PDCD6: variants seen among roughly 807,000 people sequenced by gnomAD.
PDCD6 encodes the protein programmed cell death protein 6.
Under a neutral mutation model 28.3 loss-of-function variants are expected in PDCD6, and 12 were observed. The observed-to-expected ratio is 0.42, with a 90% CI of 0.27 to 0.69. The LOEUF (loss-of-function observed/expected upper bound fraction) is 0.69, where lower values mean the gene tolerates loss of function less well. PDCD6 is among the 30% of genes least tolerant of loss of function. PDCD6 has a pLI of 0.22. For missense variants in PDCD6, 226 were observed against 269.9 expected (o/e 0.84, Z 1.14); for synonymous variants, 92 against 108.0 (o/e 0.85, Z 0.92).
intron 2 of PDCD6, among the ~76,000 whole-genome samples, chr5:286,591 G>A (rs538079888): frequency 7.8e-4 from 118 of 151,986 alleles, no homozygotes; most frequent in Middle Eastern, 6.8e-3. Flanking sequence ...TTAGAGGACC[G>A]TGCCACTGGA....
At chr5:301,973 C>CTGTG (rs1740086603) in intron 2 of PDCD6, among the ~76,000 whole-genome samples, 1 of 148,484 alleles carries the variant, frequency 6.7e-6, no homozygotes, top group Admixed American at 6.7e-5. Context: ...TCGAGTGCTG[C>CTGTG]TGTGTGTGTA....
chr5:301,520 T>C (rs1230841434), intron 2 of PDCD6, among the ~76,000 whole-genome samples: 4 of 152,348 alleles, frequency 2.6e-5, no homozygotes, highest in South Asian at 4.1e-4. Flanking sequence ...TTTCAGATAC[T>C]TGTAAAGCCT....
intron 2 of PDCD6, among the ~76,000 whole-genome samples, chr5:295,208 TTAAAA>T (rs200770674): frequency 0.016 from 2,236 of 137,156 alleles, 25 homozygotes; most frequent in Non-Finnish European, 0.021. Context: ...AAAAAAACTC[TTAAAA>T]TAAAAAAACC....
Position 271,786 on chromosome 5 carries a change from G to C in PDCD6, c.66G>C (p.Leu22=). The part of the protein sequence containing the change: ...AGPGPAAGAA[L]PDQSFLWNVF... ...CTGGGCCTGCTGCAGGCGCGGCGCT[G>C]CCGGACCAGAGCTTCCTGTGGAACG... The change falls in exon 1 of 6, where the codon CTG becomes CTC. Residue 22 remains leucine, a synonymous_variant. Transcript: ENST00000264933. 6.1e-6 allele frequency: 9 copies of C among 1,479,790 alleles called. No homozygotes were observed. The highest frequency in any genetic ancestry group is 7.1e-6 in the Non-Finnish European group (8 of 1,121,098). 91.7% of individuals were successfully genotyped at this position (1,479,790 alleles called of 1,614,324 possible).
At chr5:282,324 T>C (rs1051069847) in intron 2 of PDCD6, among the ~76,000 whole-genome samples, 34 of 149,420 alleles carry the variant, frequency 2.3e-4, no homozygotes, top group African/African-American at 7.4e-4. Flanking sequence ...AGCTGGAGAC[T>C]CGGGGAGGAG....
intron 2 of PDCD6, among the ~76,000 whole-genome samples, chr5:300,331 C>G (rs568238771): frequency 6.6e-6 from 1 of 152,248 alleles, no homozygotes; most frequent in Non-Finnish European, 1.5e-5. Context: ...ACTAGCTGTC[C>G]CAGCTTCTTG....
chr5:311,634 C>G lies in PDCD6; in HGVS notation c.477+232C>G, dbSNP rs1335261707. ...AGCCCATCTGCAAGACGTGGTTTTTCAGTATCCGGTGGGTTATTTACATGT... is the reference window on the plus strand; with the variant it reads ...AGCCCATCTGCAAGACGTGGTTTTTGAGTATCCGGTGGGTTATTTACATGT... On this transcript the variant is annotated intron_variant, in intron 5 of 5. Coordinates refer to ENST00000264933, the MANE Select transcript of PDCD6 (RefSeq NM_013232.4). 2.5e-5 allele frequency: 13 copies of G among 514,274 alleles called. No homozygotes were observed. The South Asian group carries it at 3.0e-4, about 12-fold the overall frequency. The allele number at this position is 514,274 out of a possible 1,614,324, so 31.9% of individuals were successfully genotyped here. A position where few individuals can be genotyped will look rare whatever the true frequency, so the allele number is the denominator to read the frequency against.
At chr5:300,373 C>T (rs189191519) in intron 2 of PDCD6, among the ~76,000 whole-genome samples, 379 of 152,358 alleles carry the variant, frequency 2.5e-3, no homozygotes, top group African/African-American at 8.6e-3. Flanking sequence ...TGTGTGACTC[C>T]GCTGGGAGGG....
intron 4 of PDCD6, 95 bp downstream of exon 4, chr5:306,855 T>A: frequency 7.9e-7 from 1 of 1,269,950 alleles, no homozygotes; most frequent in Non-Finnish European, 1.1e-6. Context: ...ACTGATTGTC[T>A]AACCAGGCTA....
At chr5:285,123 T>C (rs1007580288) in intron 2 of PDCD6, among the ~76,000 whole-genome samples, 3 of 145,594 alleles carry the variant, frequency 2.1e-5, no homozygotes, top group African/African-American at 7.6e-5. Flanking sequence ...GCCCTTAACC[T>C]GGAACAGTTT....
Position 288,951 on chromosome 5 carries a change from C to A in PDCD6, c.164-15226C>A, listed in dbSNP as rs534985036. On this transcript the variant is annotated intron_variant, in intron 2 of 5. Transcript: ENST00000264933. The stretch of plus-strand genomic sequence containing the variant: ...AGATCCTACTAATTCTTCTGTTTCA[C>A]GGCAGTCAGAAGAACCACTACTTTC... 3.1e-5 allele frequency: 47 copies of A among 1,516,090 alleles called. No homozygotes were observed. The African/African-American group carries it at 6.0e-4, about 19-fold the overall frequency. The allele number at this position is 1,516,090 out of a possible 1,614,324, so 93.9% of individuals were successfully genotyped here.
At chr5:295,698 C>T (rs1579515864) in intron 2 of PDCD6, among the ~76,000 whole-genome samples, 1 of 146,500 alleles carries the variant, frequency 6.8e-6, no homozygotes, top group Admixed American at 6.9e-5. Context: ...GTGGTCATGA[C>T]CGCACTCAGG....
intron 4 of PDCD6, chr5:308,414 A>T (rs998586204): frequency 2.0e-5 from 3 of 152,192 alleles, no homozygotes; most frequent in African/African-American, 7.2e-5. Flanking sequence ...TGGAGTGGGC[A>T]GGCCTGCTTG....
At chr5:296,791 G>C (rs944275304) in intron 2 of PDCD6, among the ~76,000 whole-genome samples, 2 of 152,120 alleles carry the variant, frequency 1.3e-5, no homozygotes, top group African/African-American at 4.8e-5. Flanking sequence ...GGCCCGTCGA[G>C]GCCCCTCTTT....
At chr5:289,070 C>G in intron 2 of PDCD6, 1 of 1,289,900 alleles carries the variant, frequency 7.8e-7, no homozygotes, top group Non-Finnish European at 1.1e-6. Flanking sequence ...CCTCAAAAGT[C>G]TCTTCATTCA....
intron 2 of PDCD6, among the ~76,000 whole-genome samples, chr5:281,209 C>G (rs1738542574): frequency 6.6e-6 from 1 of 152,198 alleles, no homozygotes; most frequent in African/African-American, 2.4e-5. Context: ...GATTTGAAAA[C>G]AAAACATTTA....
chr5:303,542 A>C (rs1306567398), intron 2 of PDCD6, among the ~76,000 whole-genome samples: 1 of 151,992 alleles, frequency 6.6e-6, no homozygotes, highest in Non-Finnish European at 1.5e-5. Flanking sequence ...AGGATAGTAC[A>C]GCTTTCCTAT....
At chr5:295,961 T>G (rs1426706798) in intron 2 of PDCD6, among the ~76,000 whole-genome samples, 3 of 150,948 alleles carry the variant, frequency 2.0e-5, no homozygotes, top group South Asian at 2.1e-4. Flanking sequence ...GGAAGAGGAG[T>G]TGGTCAGGAG....
chr5:293,381 AGATGGAGAAAGGTAT>A, intron 2 of PDCD6, among the ~76,000 whole-genome samples: 11 of 82,090 alleles, frequency 1.3e-4, no homozygotes, highest in Admixed American at 2.3e-4. Context: ...ATAATGTCAG[AGATGGAGAAAGGTAT>A]GACAGGAAGA....
Sources: allele counts gnomAD v4.1 joint callset (sites outside exome capture counted in the v4.1 genomes callset), GRCh38; gene constraint gnomAD v4.1.1; transcripts MANE v1.5; gene names NCBI Gene and HGNC (gene_info 2026-07-23, HGNC 2026-07-21).